Variants in VPS13B observed in about 807,000 individuals in gnomAD.
VPS13B encodes the protein intermembrane lipid transfer protein VPS13B.
VPS13B carries 285 observed loss-of-function variants against 426.4 expected under a neutral mutation model. The observed-to-expected ratio is 0.67, with a 90% CI of 0.61 to 0.74. The LOEUF is 0.74. VPS13B is among the 30% of genes least tolerant of loss of function. VPS13B has a pLI of 0.00. For missense variants in VPS13B, 4,537 were observed against 4,782.6 expected, an observed-to-expected ratio of 0.95 and a Z score of 1.51; for synonymous variants, 1,676 against 1,676.4, an observed-to-expected ratio of 1.00 and a Z score of 0.01.
intron 20 of VPS13B, among the ~76,000 whole-genome samples, chr8:99,387,649 C>A (rs775937082): frequency 6.6e-6 from 1 of 152,050 alleles, no homozygotes; most frequent in Non-Finnish European, 1.5e-5. Context: ...TGCCCCACCC[C>A]ACCATGGAAA....
intron 33 of VPS13B, among the ~76,000 whole-genome samples, chr8:99,606,216 A>G (rs1827567798): frequency 6.6e-6 from 1 of 152,004 alleles, no homozygotes; most frequent in South Asian, 2.1e-4. Flanking sequence ...AAACTTTTTT[A>G]ATATTTTGGT....
intron 19 of VPS13B, among the ~76,000 whole-genome samples, chr8:99,338,250 T>C (rs1182506891): frequency 1.3e-5 from 2 of 152,154 alleles, no homozygotes; most frequent in South Asian, 2.1e-4. Context: ...AGAATTTTGA[T>C]TGGGATTTCA....
intron 43 of VPS13B, among the ~76,000 whole-genome samples, chr8:99,797,826 ATAGTG>A (rs1812930630): frequency 6.6e-6 from 1 of 152,224 alleles, no homozygotes; most frequent in South Asian, 2.1e-4. Flanking sequence ...CTGAAAGTAT[ATAGTG>A]TAATCACTAA....
chr8:99,131,515 C>T (rs1164933730), intron 8 of VPS13B, among the ~76,000 whole-genome samples: 6 of 152,048 alleles, frequency 3.9e-5, no homozygotes, highest in African/African-American at 4.8e-5. Context: ...CACAATAAAG[C>T]GAATATAGCA....
chr8:99,422,040 A>G (rs1816404595), intron 21 of VPS13B, among the ~76,000 whole-genome samples: 1 of 152,152 alleles, frequency 6.6e-6, no homozygotes, highest in Non-Finnish European at 1.5e-5. Flanking sequence ...AGTAGGTGCT[A>G]TAGAGGTTTT....
intron 40 of VPS13B, among the ~76,000 whole-genome samples, chr8:99,770,801 C>T (rs1274029321): frequency 1.3e-5 from 2 of 152,150 alleles, no homozygotes; most frequent in African/African-American, 4.8e-5. Context: ...CAGAAAGCTC[C>T]CTTCCGGAGG....
chr8:99,070,701 G>A (rs1844811187), intron 3 of VPS13B, among the ~76,000 whole-genome samples: 1 of 151,618 alleles, frequency 6.6e-6, no homozygotes, highest in African/African-American at 2.4e-5. Flanking sequence ...TTCTCATTCT[G>A]CATACTGTAT....
chr8:99,633,504 T>C (rs905832281), intron 33 of VPS13B, among the ~76,000 whole-genome samples: 2 of 152,006 alleles, frequency 1.3e-5, no homozygotes, highest in Non-Finnish European at 2.9e-5. Flanking sequence ...TCTAAGTCAG[T>C]CTCTGAGTCA....
intron 19 of VPS13B, among the ~76,000 whole-genome samples, chr8:99,275,565 C>T (rs1818855621): frequency 6.6e-6 from 1 of 151,970 alleles, no homozygotes; most frequent in Non-Finnish European, 1.5e-5. Context: ...TGCATATTTT[C>T]TTGAGATAGT....
At chr8:99,348,700 A>G (rs888011585) in intron 19 of VPS13B, among the ~76,000 whole-genome samples, 1 of 152,190 alleles carries the variant, frequency 6.6e-6, no homozygotes, top group African/African-American at 2.4e-5. Context: ...AAGTACAATC[A>G]TTACTTATAA....
At chr8:99,038,307 A>G (rs1356780038) in intron 2 of VPS13B, 116 bp from the exon 3 acceptor site, 1 of 841,888 alleles carries the variant, frequency 1.2e-6, no homozygotes, top group African/African-American at 1.7e-5. Context: ...GCACTAAACA[A>G]TAAGTCTCTG....
intron 35 of VPS13B, among the ~76,000 whole-genome samples, chr8:99,671,022 T>C (rs1207899747): frequency 1.3e-5 from 2 of 152,168 alleles, no homozygotes; most frequent in Non-Finnish European, 2.9e-5. Flanking sequence ...TACTGGATCA[T>C]ATGGTAGTTA....
At chr8:99,026,795 T>A (rs1842161163) in intron 2 of VPS13B, among the ~76,000 whole-genome samples, 1 of 152,198 alleles carries the variant, frequency 6.6e-6, no homozygotes, top group Non-Finnish European at 1.5e-5. Flanking sequence ...CTTTTTTCAT[T>A]TTTTCATTTT....
At chr8:99,547,002 A>C (rs1406081040) in intron 30 of VPS13B, among the ~76,000 whole-genome samples, 1 of 152,094 alleles carries the variant, frequency 6.6e-6, no homozygotes, top group South Asian at 2.1e-4. Context: ...GTAATGTACT[A>C]TGAACATTTG....
chr8:99,640,022 T>TGG (rs1829259723), intron 33 of VPS13B, among the ~76,000 whole-genome samples: 1 of 89,408 alleles, frequency 1.1e-5, no homozygotes, highest in Non-Finnish European at 2.4e-5. Context: ...ATAATAATAA[T>TGG]AATAAGAAGA....
At position 99,167,447 on chromosome 8, in the gene VPS13B, T is replaced by C. The variant is rs567245345; in HGVS notation, c.2209-2592T>C. ...AATGGTATAAAACTACCATGTGTTT[T>C]ATAATGGCAGTAACAAAAATTATTT... is the stretch of plus-strand genomic sequence containing the variant. On this transcript the variant is annotated intron_variant, in intron 15 of 61. Transcript: ENST00000357162. Among the ~76,000 whole-genome samples, 9 of 152,202 alleles carry C rather than the reference T, an allele frequency of 5.9e-5. No individual in the cohort carries two copies. The South Asian group carries it at 1.9e-3, about 32-fold the overall frequency.
At chr8:99,075,821 A>C (rs141420114) in intron 3 of VPS13B, among the ~76,000 whole-genome samples, 53 of 152,290 alleles carry the variant, frequency 3.5e-4, no homozygotes, top group African/African-American at 1.3e-3. Flanking sequence ...TCTTTTCAAA[A>C]AGCTAACTTT....
chr8:99,717,385 T>C lies in VPS13B; in HGVS notation c.6657+12T>C. On this transcript the variant is annotated intron_variant, in intron 37 of 61. Coordinates refer to ENST00000357162, the MANE Select transcript of VPS13B (RefSeq NM_152564.5). ...GAGGTCTACTACAGGTCTGTGGGTA[T>C]TGGCCATATTTTTTTCATAGGTTAT... 1 of 1,611,146 alleles carries C rather than the reference T, an allele frequency of 6.2e-7. No homozygotes were observed. Among genetic ancestry groups the C allele is most frequent in the African/African-American group, 1.3e-5 (1 of 74,968 alleles).
At chr8:99,031,995 C>T (rs889502821) in intron 2 of VPS13B, among the ~76,000 whole-genome samples, 9 of 152,362 alleles carry the variant, frequency 5.9e-5, no homozygotes, top group Middle Eastern at 6.8e-3. Context: ...CCTCAGGTAG[C>T]TCCCTATACT....
Sources: allele counts gnomAD v4.1 joint callset (sites outside exome capture counted in the v4.1 genomes callset), GRCh38; gene constraint gnomAD v4.1.1; transcripts MANE v1.5; gene names NCBI Gene and HGNC (gene_info 2026-07-23, HGNC 2026-07-21).